SNTG2: variants seen among roughly 807,000 people sequenced by gnomAD.
SNTG2 encodes the protein syntrophin gamma 2.
A neutral mutation model predicts 70.9 loss-of-function variants in SNTG2; 74 were observed. The ratio of observed to expected loss-of-function variants is 1.04; its 90% CI spans 0.86 to 1.27. The LOEUF (loss-of-function observed/expected upper bound fraction) is 1.27, where lower values mean the gene tolerates loss of function less well. Ranked by LOEUF, SNTG2 falls within the 50% of genes most tolerant of loss-of-function variation. The pLI is 0.00. For synonymous variants in SNTG2, 278 were observed against 273.8 expected (o/e 1.02, Z -0.15); for missense variants, 717 against 690.7 (o/e 1.04, Z -0.43).
chr2:1,114,758 C>T (rs747608892), intron 4 of SNTG2, among the ~76,000 whole-genome samples: 1 of 151,394 alleles, frequency 6.6e-6, no homozygotes, highest in Non-Finnish European at 1.5e-5. Flanking sequence ...AAGTTTAACC[C>T]TTATACTCCT....
At chr2:1,262,674 AC>A (rs1678485167) in intron 13 of SNTG2, among the ~76,000 whole-genome samples, 1 of 142,010 alleles carries the variant, frequency 7.0e-6, no homozygotes, top group Non-Finnish European at 1.6e-5. Context: ...CTCAGTCCAG[AC>A]GAGGCAACCG....
intron 2 of SNTG2, among the ~76,000 whole-genome samples, chr2:1,092,155 T>C (rs760874074): frequency 6.6e-6 from 1 of 152,216 alleles, no homozygotes; most frequent in African/African-American, 2.4e-5. Flanking sequence ...TTTTTGAAAG[T>C]ATCTTTCATG....
chr2:1,337,064 T>C (rs891465465), intron 16 of SNTG2, among the ~76,000 whole-genome samples: 1 of 152,162 alleles, frequency 6.6e-6, no homozygotes, highest in African/African-American at 2.4e-5. Context: ...TTTTCTTTTT[T>C]AGGTTGAATA....
chr2:1,073,916 GAT>G (rs1663744721), intron 1 of SNTG2, among the ~76,000 whole-genome samples: 1 of 152,156 alleles, frequency 6.6e-6, no homozygotes, highest in Non-Finnish European at 1.5e-5. Context: ...ATTTTAAAAA[GAT>G]ATTTTTCCTG....
rs112630189 is a variant in SNTG2 at position 1,162,028 on chromosome 2, G to C, written c.412-3520G>C. 7.5e-3 allele frequency among the ~76,000 whole-genome samples: 1,086 copies of C among 145,062 alleles called. 6 individuals carry two copies. Among genetic ancestry groups the C allele is most frequent in the African/African-American group, 0.017 (681 of 39,728 alleles). On this transcript the variant is annotated intron_variant, in intron 6 of 16. Coordinates refer to ENST00000308624, the MANE Select transcript of SNTG2 (RefSeq NM_018968.4). ...GGCGGAGCTTGCAGTGGGCCCAGAT[G>C]GCGCCACTGCACTCCAGCCTGGGCG...
chr2:1,158,034 C>T (rs1234185264), intron 6 of SNTG2, among the ~76,000 whole-genome samples: 1 of 152,206 alleles, frequency 6.6e-6, no homozygotes, highest in Non-Finnish European at 1.5e-5. Context: ...ACATGCCTAG[C>T]AGCACACACT....
chr2:1,058,060 A>G (rs976607670), intron 1 of SNTG2, among the ~76,000 whole-genome samples: 2 of 152,190 alleles, frequency 1.3e-5, no homozygotes, highest in South Asian at 2.1e-4. Context: ...TTAAAAAATT[A>G]TATTTGAATT....
intron 4 of SNTG2, 32 bp from the exon 5 acceptor site, chr2:1,137,590 T>C (rs760964737): frequency 6.2e-7 from 1 of 1,608,384 alleles, no homozygotes; most frequent in Non-Finnish European, 8.5e-7. Flanking sequence ...GAGATTTCTC[T>C]TAAAACTGTT....
At chr2:1,197,905 T>C (rs1673027417) in intron 8 of SNTG2, among the ~76,000 whole-genome samples, 1 of 151,596 alleles carries the variant, frequency 6.6e-6, no homozygotes, top group South Asian at 2.1e-4. Context: ...ATGAAAATAA[T>C]TGGGGATTTC....
intron 6 of SNTG2, among the ~76,000 whole-genome samples, chr2:1,152,503 G>T (rs893828721): frequency 6.6e-6 from 1 of 152,128 alleles, no homozygotes; most frequent in Non-Finnish European, 1.5e-5. Flanking sequence ...GCGTATATTC[G>T]GTGTGTGTGT....
intron 1 of SNTG2, among the ~76,000 whole-genome samples, chr2:1,005,848 TATATATATATATATATATATATATATA>T (rs1659552686): frequency 1.9e-4 from 4 of 20,836 alleles, no homozygotes; most frequent in African/African-American, 6.9e-4. Context: ...TATATATATA[TATATATATATATATATATATATATATA>T]AACGTTGACA....
At chr2:1,295,597 G>A (rs1407083702) in intron 14 of SNTG2, among the ~76,000 whole-genome samples, 5 of 152,208 alleles carry the variant, frequency 3.3e-5, no homozygotes, top group South Asian at 2.1e-4. Flanking sequence ...GCAGGCAGGT[G>A]TCACCATCAA....
At chr2:1,114,731 A>G (rs1666817121) in intron 4 of SNTG2, among the ~76,000 whole-genome samples, 1 of 151,268 alleles carries the variant, frequency 6.6e-6, no homozygotes, top group Non-Finnish European at 1.5e-5. Flanking sequence ...TTTGAGGAGA[A>G]TTGTGTGTAC....
At chr2:1,259,278 G>A (rs1235099061) in intron 12 of SNTG2, 92 bp from the exon 13 acceptor site, 5 of 1,039,124 alleles carry the variant, frequency 4.8e-6, no homozygotes, top group Non-Finnish European at 7.4e-6. Context: ...AATTGAGGTG[G>A]ACACACATGC....
At chr2:1,099,232 C>CG (rs149407813) in intron 4 of SNTG2, among the ~76,000 whole-genome samples, 1,544 of 152,158 alleles carry the variant, frequency 0.01, 23 homozygotes, top group African/African-American at 0.034. Context: ...CGGTCCGTGT[C>CG]GGGGGGTGGG....
intron 13 of SNTG2, among the ~76,000 whole-genome samples, chr2:1,264,503 G>T (rs758395637): frequency 1.8e-4 from 27 of 152,208 alleles, no homozygotes; most frequent in Non-Finnish European, 3.4e-4. Context: ...TGTTGCAAGT[G>T]CCCCAAGAAG....
chr2:1,324,302 T>A (rs1681672818), intron 16 of SNTG2, among the ~76,000 whole-genome samples: 1 of 152,238 alleles, frequency 6.6e-6, no homozygotes, highest in Admixed American at 6.5e-5. Context: ...ATAGCTGCTG[T>A]TGCTTATTGA....
At chr2:1,299,171 C>A (rs1228163525) in intron 14 of SNTG2, among the ~76,000 whole-genome samples, 1 of 152,262 alleles carries the variant, frequency 6.6e-6, no homozygotes, top group Non-Finnish European at 1.5e-5. Context: ...GAGGCAGGAA[C>A]ATGCCCTGCA....
At chr2:1,281,307 G>A (rs1679514856) in intron 14 of SNTG2, among the ~76,000 whole-genome samples, 3 of 135,160 alleles carry the variant, frequency 2.2e-5, no homozygotes, top group African/African-American at 8.7e-5. Flanking sequence ...TATGGTGTGT[G>A]GTGTGTGTGT....
Sources: gnomAD v4.1 joint callset for allele counts (sites outside exome capture counted in the v4.1 genomes callset) on GRCh38, gnomAD v4.1.1 for gene constraint, MANE v1.5 for transcripts, NCBI Gene and HGNC (gene_info 2026-07-23, HGNC 2026-07-21) for gene names.